Variants in PREP observed in about 807,000 individuals in gnomAD.
PREP encodes prolyl endopeptidase.
In PREP, 29 loss-of-function variants were observed where a neutral mutation model predicts 87.6. The ratio of observed to expected loss-of-function variants is 0.33; its 90% CI spans 0.25 to 0.45. The LOEUF (loss-of-function observed/expected upper bound fraction) is 0.45. Ranked by LOEUF, PREP falls within the 20% of genes least tolerant of loss-of-function variation. PREP has a pLI of 1.00. For synonymous variants in PREP, 337 were observed against 328.6 expected, an observed-to-expected ratio of 1.03 and a Z score of -0.28; for missense variants, 695 against 886.5, an observed-to-expected ratio of 0.78 and a Z score of 2.74.
intron 10 of PREP, among the ~76,000 whole-genome samples, chr6:105,311,054 C>T (rs1281759306): frequency 2.0e-5 from 3 of 152,184 alleles, no homozygotes; most frequent in Non-Finnish European, 1.5e-5. Context: ...CTTCGCAATT[C>T]TACCTTCTAG....
At chr6:105,349,898 T>TAAAAAAAAAAAAAAAAAAAAAAAAA (rs1162063177) in intron 7 of PREP, among the ~76,000 whole-genome samples, 1 of 59,454 alleles carries the variant, frequency 1.7e-5, no homozygotes, top group African/African-American at 5.2e-5. Context: ...GGGAAGCAGG[T>TAAAAAAAAAAAAAAAAAAAAAAAAA]AAAAAAAAAA....
chr6:105,393,650 GA>G (rs1034876141), intron 2 of PREP, among the ~76,000 whole-genome samples: 6 of 150,690 alleles, frequency 4.0e-5, no homozygotes, highest in African/African-American at 9.7e-5. Flanking sequence ...CCACATTAAG[GA>G]AAAAAAAATT....
At chr6:105,380,678 A>G (rs535557404) in intron 2 of PREP, among the ~76,000 whole-genome samples, 1 of 152,304 alleles carries the variant, frequency 6.6e-6, no homozygotes, top group South Asian at 2.1e-4. Flanking sequence ...AGAGGGCCTC[A>G]CCAGAACATT....
At chr6:105,385,386 A>C (rs1267747219) in intron 2 of PREP, among the ~76,000 whole-genome samples, 4 of 152,044 alleles carry the variant, frequency 2.6e-5, no homozygotes, top group Non-Finnish European at 1.5e-5. Flanking sequence ...AGAAATTATA[A>C]ACAAATATAA....
intron 10 of PREP, among the ~76,000 whole-genome samples, chr6:105,314,536 A>G (rs1770821591): frequency 6.6e-6 from 1 of 152,208 alleles, no homozygotes; most frequent in African/African-American, 2.4e-5. Context: ...CATCTCAAGA[A>G]ACCAATTTCT....
Position 105,373,720 on chromosome 6 carries a change from C to G in PREP, c.386-142G>C, listed in dbSNP as rs183688855. Reference sequence around the variant, plus strand: ...GAATAGGAATCTGGTAGTGAGGAATCCCGGGGGCTCAGCCCAAGTTTTACA... The same window carrying G: ...GAATAGGAATCTGGTAGTGAGGAATGCCGGGGGCTCAGCCCAAGTTTTACA... On this transcript the variant is annotated intron_variant, in intron 4 of 14. Transcript: ENST00000652536. The G allele has an allele frequency of 2.8e-3, 2,373 of 854,234 alleles. 18 individuals carry two copies. Among genetic ancestry groups the G allele is most frequent in the Middle Eastern group, 0.015 (42 of 2,786 alleles). The allele number at this position is 854,234 out of a possible 1,614,324, so 52.9% of individuals were successfully genotyped here.
In PREP at chr6:105,366,215, C is replaced by A. The variant is rs117068118; in HGVS notation, c.717+2688G>T. ...GAGGTTGGAGTCAGCCGAGACTGAG[C>A]CACCACACTCTAGCCTGGGCGACAG... On this transcript the variant is annotated intron_variant, in intron 6 of 14. Coordinates refer to ENST00000652536, the MANE Select transcript of PREP (RefSeq NM_002726.5). Among the ~76,000 whole-genome samples the A allele has an allele frequency of 3.2e-3, 489 of 152,206 alleles. 19 individuals carry two copies. The East Asian group carries it at 0.084, about 26-fold the overall frequency.
Position 105,386,986 on chromosome 6 carries a change from G to A in PREP, c.121-9467C>T, listed in dbSNP as rs565510894. Among the ~76,000 whole-genome samples, 11 of 152,308 alleles carry A rather than the reference G, an allele frequency of 7.2e-5. 1 individual carries two copies. The South Asian group carries it at 2.1e-3, about 29-fold the overall frequency. ...CCAACACTTTGGGAGGCCAAGGTGG[G>A]CGGATCACTTGAGGTCAAGAGTTTA... On this transcript the variant is annotated intron_variant, in intron 2 of 14. Coordinates refer to ENST00000652536, the MANE Select transcript of PREP (RefSeq NM_002726.5).
chr6:105,278,363 A>T lies in PREP; in HGVS notation c.1914T>A (p.Ala638=). Residue 638 remains alanine (A), a synonymous_variant, in exon 15 of 15, where the codon GCT becomes GCA. Transcript: ENST00000652536. This position sits in a 1 kb window ranked among gnomAD's most constrained non-coding sequence, Gnocchi z 4.2. ...IQYPSMLLLT[A]DHDDRVVPLH... is the part of the protein sequence containing the mutation. Reference sequence around the variant, plus strand: ...GCGGGACCACGCGGTCATCATGGTCAGCAGTGAGGAGCAGCATGGACGGGT... The same window carrying T: ...GCGGGACCACGCGGTCATCATGGTCTGCAGTGAGGAGCAGCATGGACGGGT... 1.9e-6 allele frequency: 3 copies of T among 1,614,206 alleles called. No homozygotes were observed. Among genetic ancestry groups the T allele is most frequent in the Middle Eastern group, 1.6e-4 (1 of 6,062 alleles).
intron 9 of PREP, among the ~76,000 whole-genome samples, chr6:105,327,531 C>T (rs547562451): frequency 1.3e-5 from 2 of 152,316 alleles, no homozygotes; most frequent in East Asian, 3.9e-4. Flanking sequence ...TGACAGCAAC[C>T]TACCACCACT....
intron 6 of PREP, among the ~76,000 whole-genome samples, chr6:105,364,374 GAC>G (rs1772329552): frequency 6.6e-6 from 1 of 152,236 alleles, no homozygotes; most frequent in Non-Finnish European, 1.5e-5. Flanking sequence ...ATCAAGGCAA[GAC>G]AGACCTGTCC....
rs954912345 is a variant in PREP, at chr6:105,368,408, G to C, written c.717+495C>G. 1.3e-4 allele frequency among the ~76,000 whole-genome samples: 20 copies of C among 151,960 alleles called. 1 individual carries two copies. The highest frequency in any genetic ancestry group is 4.8e-4 in the African/African-American group (20 of 41,356). On this transcript the variant is annotated intron_variant, in intron 6 of 14. Transcript: ENST00000652536. ...GGTTGGTCCCTGTCAAGACCCCCAA[G>C]GAATATATGAATATTGATGAGAAAA...
Position 105,354,798 on chromosome 6 carries a change from G to T in PREP, c.718-1721C>A, listed in dbSNP as rs1772048671. ...AATTCCTTAAACAAATCCTCTCTAT[G>T]TATATATATACATACATACACACAT... On this transcript the variant is annotated intron_variant, in intron 6 of 14. Transcript: ENST00000652536. Among the ~76,000 whole-genome samples the T allele has an allele frequency of 3.3e-5, 5 of 151,876 alleles. No individual in the cohort carries two copies. The South Asian group carries it at 1.0e-3, about 32-fold the overall frequency.
chr6:105,350,340 C>T (rs1270553334), intron 7 of PREP, among the ~76,000 whole-genome samples: 2 of 151,732 alleles, frequency 1.3e-5, no homozygotes, highest in East Asian at 3.9e-4. Context: ...TATTTGCAGA[C>T]ATGGAAATAT....
Position 105,278,004 on chromosome 6 carries a change from G to A in PREP, c.*140C>T, listed in dbSNP as rs1289347423. On this transcript the variant is annotated 3_prime_UTR_variant, in exon 15 of 15. Transcript: ENST00000652536. The surrounding 1 kb of genome is among the most constrained non-coding windows in gnomAD (Gnocchi z 4.2). ...AGCCTAAAAAAGATAAAATTCCCAC[G>A]GCAGTTCTGTTCAACTGTAGCCTGT... 1.4e-5 allele frequency: 16 copies of A among 1,166,026 alleles called. No individual in the cohort carries two copies. The highest frequency in any genetic ancestry group is 2.3e-5 in the Admixed American group (1 of 43,698). 72.2% of individuals were successfully genotyped at this position (1,166,026 alleles called of 1,614,324 possible). A position where few individuals can be genotyped will look rare whatever the true frequency, so the allele number is the denominator to read the frequency against.
intron 12 of PREP, 147 bp from the exon 13 acceptor site, chr6:105,282,729 AT>A: frequency 1.1e-6 from 1 of 877,526 alleles, no homozygotes. Flanking sequence ...AAAAGCCTCA[AT>A]TTAAGTTCTG....
At chr6:105,306,201 A>G (rs778697866) in intron 10 of PREP, among the ~76,000 whole-genome samples, 5 of 152,268 alleles carry the variant, frequency 3.3e-5, no homozygotes, top group South Asian at 4.1e-4. Context: ...AAGATGACTA[A>G]CTGAATCATG....
intron 7 of PREP, among the ~76,000 whole-genome samples, chr6:105,340,921 A>C (rs1331097908): frequency 6.6e-6 from 1 of 152,166 alleles, no homozygotes; most frequent in Non-Finnish European, 1.5e-5. Flanking sequence ...AGAGACTTAG[A>C]CTCCCACACA....
Position 105,278,099 on chromosome 6 carries a change from C to A in PREP, c.*45G>T. On this transcript the variant is annotated 3_prime_UTR_variant, in exon 15 of 15. Coordinates refer to ENST00000652536, the MANE Select transcript of PREP (RefSeq NM_002726.5). This position sits in a 1 kb window ranked among gnomAD's most constrained non-coding sequence, Gnocchi z 4.2. ...GTTTCTTGGTGTCAACGTGGGAAAG[C>A]CCTTGAGGTTTTCTGTCGCTGTCAG... The A allele has an allele frequency of 1.3e-6, 2 of 1,573,906 alleles. No individual in the cohort carries two copies. Among genetic ancestry groups the A allele is most frequent in the Non-Finnish European group, 8.6e-7 (1 of 1,156,724 alleles).
Sources: allele counts gnomAD v4.1 joint callset (sites outside exome capture counted in the v4.1 genomes callset), GRCh38; gene constraint gnomAD v4.1.1; non-coding constraint Gnocchi (gnomAD v3.1); transcripts MANE v1.5; gene names NCBI Gene and HGNC (gene_info 2026-07-23, HGNC 2026-07-21).